Variants in COL4A2 observed in about 807,000 individuals in gnomAD.
COL4A2 encodes the protein collagen type IV alpha 2 chain.
COL4A2 carries 99 observed loss-of-function variants against 200.2 expected under a neutral mutation model. The ratio of observed to expected loss-of-function variants is 0.49; its 90% CI spans 0.42 to 0.58. COL4A2 has a LOEUF of 0.58. COL4A2 is among the 20% of genes least tolerant of loss of function. The pLI is 0.00. For synonymous variants in COL4A2, 897 were observed against 900.6 expected (o/e 1.00, Z 0.07); for missense variants, 1,950 against 2,314.1 (o/e 0.84, Z 3.23).
intron 3 of COL4A2, among the ~76,000 whole-genome samples, chr13:110,335,494 C>T (rs1876139861): frequency 6.6e-6 from 1 of 152,148 alleles, no homozygotes. Flanking sequence ...TGCCTTTTGC[C>T]TTCTGCCATG....
At chr13:110,321,527 T>C (rs1885278889) in intron 3 of COL4A2, among the ~76,000 whole-genome samples, 2 of 152,196 alleles carry the variant, frequency 1.3e-5, no homozygotes, top group Admixed American at 6.5e-5. Context: ...CTACTTTCTG[T>C]CACTTTGAGT....
chr13:110,484,964 G>A lies in COL4A2; in HGVS notation c.2962G>A (p.Asp988Asn), dbSNP rs771195548. The change falls in exon 33 of 48, where the codon GAC becomes AAC. Residue 988 changes from aspartate to asparagine, a missense_variant. Coordinates refer to ENST00000360467, the MANE Select transcript of COL4A2 (RefSeq NM_001846.4). Reference sequence around the variant, plus strand: ...TCCTGTCATCCTGCCAGGAATGAAAGACATTAAAGGAGAGAAAGGAGATGA... The same window carrying A: ...TCCTGTCATCCTGCCAGGAATGAAAAACATTAAAGGAGAGAAAGGAGATGA... ...PPPVILPGMK[D>N]IKGEKGDEGP... 4 of 1,613,226 alleles carry A rather than the reference G, an allele frequency of 2.5e-6. No individual in the cohort carries two copies. Among genetic ancestry groups the A allele is most frequent in the Non-Finnish European group, 3.4e-6 (4 of 1,179,316 alleles).
chr13:110,323,615 T>C (rs1266079018), intron 3 of COL4A2, among the ~76,000 whole-genome samples: 1 of 152,066 alleles, frequency 6.6e-6, no homozygotes, highest in African/African-American at 2.4e-5. Flanking sequence ...CAGTATTGCA[T>C]ACAATAAGGG....
intron 24 of COL4A2, 39 bp from the exon 25 acceptor site, chr13:110,465,366 T>G: frequency 1.3e-6 from 2 of 1,559,564 alleles, no homozygotes; most frequent in East Asian, 2.2e-5. Context: ...TCTTTAACAT[T>G]AGTATATATT....
At chr13:110,510,613 G>A (rs1884051046) in intron 47 of COL4A2, among the ~76,000 whole-genome samples, 1 of 107,676 alleles carries the variant, frequency 9.3e-6, no homozygotes, top group Admixed American at 9.2e-5. Flanking sequence ...ACACAAGCAT[G>A]CACTGTGTGT....
chr13:110,465,630 C>G, intron 25 of COL4A2, 24 bp downstream of exon 25: 2 of 1,576,830 alleles, frequency 1.3e-6, no homozygotes, highest in South Asian at 2.3e-5. Flanking sequence ...CTCCCTTTTA[C>G]CTTTCACAGT....
At chr13:110,402,404 C>T (rs916364320) in intron 4 of COL4A2, among the ~76,000 whole-genome samples, 4 of 152,176 alleles carry the variant, frequency 2.6e-5, no homozygotes, top group African/African-American at 7.2e-5. Flanking sequence ...AAAGAACATT[C>T]GATTTTAAGT....
chr13:110,346,725 C>A (rs1436337805), intron 3 of COL4A2, among the ~76,000 whole-genome samples: 1 of 151,388 alleles, frequency 6.6e-6, no homozygotes. Context: ...GCCCCACACC[C>A]ATGTCTACAC....
At chr13:110,426,724 C>A (rs892992524) in intron 6 of COL4A2, among the ~76,000 whole-genome samples, 2 of 152,156 alleles carry the variant, frequency 1.3e-5, no homozygotes, top group African/African-American at 4.8e-5. Flanking sequence ...TCAAATAGAT[C>A]AGTTCTAAGC....
At chr13:110,446,022 T>A in intron 17 of COL4A2, 140 bp downstream of exon 17, 1 of 865,228 alleles carries the variant, frequency 1.2e-6, no homozygotes, top group Non-Finnish European at 1.9e-6. Flanking sequence ...CCTCTGACAC[T>A]GGACAGACGA....
At chr13:110,370,050 T>G (rs1273768832) in intron 4 of COL4A2, among the ~76,000 whole-genome samples, 1 of 152,152 alleles carries the variant, frequency 6.6e-6, no homozygotes, top group African/African-American at 2.4e-5. Flanking sequence ...AACTTTACTT[T>G]CTAGCCGCTG....
At chr13:110,356,136 A>G (rs1302891568) in intron 3 of COL4A2, among the ~76,000 whole-genome samples, 2 of 152,200 alleles carry the variant, frequency 1.3e-5, no homozygotes, top group African/African-American at 4.8e-5. Context: ...TGTTGAGATC[A>G]AGGATGAGAA....
In COL4A2 at chr13:110,485,547, G is replaced by C. The variant is rs182604363; in HGVS notation, c.3026-108G>C. ...CAAAAAAAAAAAAAAAAAAAAAAAA[G>C]ATTCACAGCACGTAGGACAGCAAAA... On this transcript the variant is annotated intron_variant, in intron 33 of 47. Transcript: ENST00000360467. 7.8e-3 allele frequency: 3,628 copies of C among 464,710 alleles called. 106 individuals are homozygous for C. Among genetic ancestry groups the C allele is most frequent in the African/African-American group, 0.076 (3,133 of 41,006 alleles). The allele number at this position is 464,710 out of a possible 1,614,324, so 28.8% of individuals were successfully genotyped here.
intron 4 of COL4A2, among the ~76,000 whole-genome samples, chr13:110,421,330 G>A (rs1330878316): frequency 6.6e-6 from 1 of 152,304 alleles, no homozygotes; most frequent in East Asian, 1.9e-4. Context: ...GCTATCCACA[G>A]TAGCCAAAAG....
chr13:110,498,957 G>C (rs1883548558), intron 40 of COL4A2, among the ~76,000 whole-genome samples: 1 of 152,318 alleles, frequency 6.6e-6, no homozygotes, highest in South Asian at 2.1e-4. Context: ...ACGTCACAGT[G>C]GGCCCATGAG....
At chr13:110,315,271 G>T (rs564908517) in intron 3 of COL4A2, among the ~76,000 whole-genome samples, 1 of 152,360 alleles carries the variant, frequency 6.6e-6, no homozygotes, top group East Asian at 1.9e-4. Flanking sequence ...TCAGGGTCTA[G>T]CTAAAGTGTC....
At chr13:110,311,797 G>A (rs1884990718) in intron 3 of COL4A2, among the ~76,000 whole-genome samples, 1 of 152,210 alleles carries the variant, frequency 6.6e-6, no homozygotes, top group African/African-American at 2.4e-5. Context: ...AGGACCTCTG[G>A]CCGGGACCTG....
At chr13:110,422,763 C>T (rs745886790) in intron 4 of COL4A2, among the ~76,000 whole-genome samples, 1 of 152,180 alleles carries the variant, frequency 6.6e-6, no homozygotes, top group East Asian at 1.9e-4. Context: ...AACTACTTCC[C>T]GTGATGCCTG....
In COL4A2 at chr13:110,510,365, A is replaced by T. The variant is rs553264538; in HGVS notation, c.4882-1569A>T. Among the ~76,000 whole-genome samples the T allele has an allele frequency of 1.6e-4, 24 of 152,362 alleles. No individual in the cohort carries two copies. In the South Asian group the frequency reaches 5.0e-3, roughly 32 times the overall value. ...TGGCCTCTCTCAAAGCTGCTCTGGC[A>T]GAGGCTACAAGTATCTAGCCAGCCG... On this transcript the variant is annotated intron_variant, in intron 47 of 47. Coordinates refer to ENST00000360467, the MANE Select transcript of COL4A2 (RefSeq NM_001846.4).
Sources: gnomAD v4.1 joint callset for allele counts (sites outside exome capture counted in the v4.1 genomes callset) on GRCh38, gnomAD v4.1.1 for gene constraint, MANE v1.5 for transcripts, NCBI Gene and HGNC (gene_info 2026-07-23, HGNC 2026-07-21) for gene names.